Variants in THRB observed in about 807,000 individuals in gnomAD.
The protein encoded by THRB is thyroid hormone receptor beta.
THRB carries 12 observed loss-of-function variants against 47.8 expected under a neutral mutation model. That is an observed-to-expected ratio of 0.25 (90% CI 0.16 to 0.41). THRB has a LOEUF of 0.41. Ranked by LOEUF, THRB falls within the 10% of genes least tolerant of loss-of-function variation. The pLI is 1.00. For missense variants in THRB, 348 were observed against 589.2 expected, an observed-to-expected ratio of 0.59 and a Z score of 4.24; for synonymous variants, 218 against 212.2, an observed-to-expected ratio of 1.03 and a Z score of -0.24.
At chr3:24,357,346 CAAAAAAAAAAAAA>C (rs781709724) in intron 1 of THRB, among the ~76,000 whole-genome samples, 9 of 28,714 alleles carry the variant, frequency 3.1e-4, no homozygotes, top group African/African-American at 4.5e-4. Flanking sequence ...TTGTCTCTCC[CAAAAAAAAAAAAA>C]AAAAAAAAAA....
intron 6 of THRB, among the ~76,000 whole-genome samples, chr3:24,150,542 G>C (rs1351056081): frequency 2.0e-5 from 3 of 152,088 alleles, no homozygotes; most frequent in Non-Finnish European, 4.4e-5. Context: ...GCTGATCCAG[G>C]CTCCAAACAT....
intron 2 of THRB, among the ~76,000 whole-genome samples, chr3:24,326,298 C>T (rs1287541944): frequency 6.6e-6 from 1 of 152,182 alleles, no homozygotes; most frequent in Non-Finnish European, 1.5e-5. Context: ...TGCAATGGCA[C>T]AGTCTCGGCT....
chr3:24,463,114 G>A, intron 1 of THRB, among the ~76,000 whole-genome samples: 1 of 152,280 alleles, frequency 6.6e-6, no homozygotes, highest in South Asian at 2.1e-4. Context: ...CTCTAGCCAG[G>A]GCTAGTTAAG....
At chr3:24,342,952 G>A (rs992050620) in intron 1 of THRB, among the ~76,000 whole-genome samples, 8 of 152,178 alleles carry the variant, frequency 5.3e-5, no homozygotes, top group African/African-American at 1.4e-4. Context: ...AATGGGTGAT[G>A]AGGCTGCAAA....
chr3:24,305,947 C>T (rs1313151923), intron 2 of THRB, among the ~76,000 whole-genome samples: 1 of 152,144 alleles, frequency 6.6e-6, no homozygotes, highest in Non-Finnish European at 1.5e-5. Flanking sequence ...AAATCTGAGT[C>T]TATCTCCTCC....
chr3:24,150,564 G>C (rs1354744829), intron 6 of THRB, among the ~76,000 whole-genome samples: 1 of 152,140 alleles, frequency 6.6e-6, no homozygotes, highest in African/African-American at 2.4e-5. Flanking sequence ...CTGTGATCTA[G>C]GGAAAACAGG....
At chr3:24,362,019 A>G (rs2064108996) in intron 1 of THRB, among the ~76,000 whole-genome samples, 1 of 152,168 alleles carries the variant, frequency 6.6e-6, no homozygotes. Context: ...TTTACCACCA[A>G]TAATAATAGC....
At chr3:24,123,196 G>A in intron 10 of THRB, 71 bp from the exon 11 acceptor site, 2 of 1,605,440 alleles carry the variant, frequency 1.2e-6, no homozygotes, top group Admixed American at 1.7e-5. Context: ...TCCAATTCCA[G>A]GCCTTTATTG....
intron 1 of THRB, among the ~76,000 whole-genome samples, chr3:24,342,799 G>C (rs924584727): frequency 2.6e-5 from 4 of 152,110 alleles, no homozygotes; most frequent in Admixed American, 2.6e-4. Context: ...GGTTAGAAAG[G>C]GCCCAACTAG....
chr3:24,124,594 G>C (rs549192510), intron 10 of THRB, among the ~76,000 whole-genome samples: 60 of 152,336 alleles, frequency 3.9e-4, no homozygotes, highest in African/African-American at 1.3e-3. Context: ...TTTATGAAGA[G>C]AGAAACATTT....
intron 1 of THRB, among the ~76,000 whole-genome samples, chr3:24,479,258 C>A (rs912487594): frequency 6.6e-6 from 1 of 152,162 alleles, no homozygotes; most frequent in Non-Finnish European, 1.5e-5. Flanking sequence ...GCTGAGATTG[C>A]GCCACCGCAC....
At chr3:24,225,800 G>GT (rs1299458430) in intron 4 of THRB, among the ~76,000 whole-genome samples, 2 of 152,008 alleles carry the variant, frequency 1.3e-5, no homozygotes, top group Non-Finnish European at 2.9e-5. Flanking sequence ...ATAAAATATT[G>GT]TATCAAGGTA....
At chr3:24,420,031 A>G (rs1048530628) in intron 1 of THRB, among the ~76,000 whole-genome samples, 1 of 151,898 alleles carries the variant, frequency 6.6e-6, no homozygotes, top group Non-Finnish European at 1.5e-5. Context: ...CTGTTTATCT[A>G]TAAAGCGATG....
At chr3:24,420,374 G>A (rs1200089821) in intron 1 of THRB, among the ~76,000 whole-genome samples, 1 of 151,890 alleles carries the variant, frequency 6.6e-6, no homozygotes, top group Non-Finnish European at 1.5e-5. Context: ...TCTCTGGAAT[G>A]AATGCTCTCT....
At chr3:24,265,134 G>A (rs1009995607) in intron 3 of THRB, among the ~76,000 whole-genome samples, 1 of 152,058 alleles carries the variant, frequency 6.6e-6, no homozygotes, top group African/African-American at 2.4e-5. Context: ...GAAAAAATAG[G>A]AGGGACCAAA....
chr3:24,346,342 T>C (rs1480773520), intron 1 of THRB, among the ~76,000 whole-genome samples: 4 of 151,834 alleles, frequency 2.6e-5, no homozygotes, highest in African/African-American at 9.7e-5. Context: ...AAAGAATAAA[T>C]GACTAACAAG....
intron 3 of THRB, among the ~76,000 whole-genome samples, chr3:24,274,493 ATGAG>A (rs2053696767): frequency 6.6e-6 from 1 of 152,198 alleles, no homozygotes; most frequent in Non-Finnish European, 1.5e-5. Flanking sequence ...GAAGCCAGGA[ATGAG>A]TATGTGTCTA....
At chr3:24,357,110 T>C (rs898766167) in intron 1 of THRB, among the ~76,000 whole-genome samples, 6 of 151,310 alleles carry the variant, frequency 4.0e-5, no homozygotes, top group African/African-American at 1.5e-4. Context: ...ACCTGAAGAT[T>C]GAAATAAAAT....
chr3:24,332,406 A>T (rs76374644), intron 2 of THRB, among the ~76,000 whole-genome samples: 3,721 of 152,280 alleles, frequency 0.024, 49 homozygotes, highest in Middle Eastern at 0.041. Flanking sequence ...CACTGTTTTT[A>T]ATGGTTTTCA....
Sources: gnomAD v4.1 joint callset for allele counts (sites outside exome capture counted in the v4.1 genomes callset) on GRCh38, gnomAD v4.1.1 for gene constraint, MANE v1.5 for transcripts, NCBI Gene and HGNC (gene_info 2026-07-23, HGNC 2026-07-21) for gene names.